SUGCT: variants seen among roughly 807,000 people sequenced by gnomAD.
The protein encoded by SUGCT is succinyl-CoA:glutarate CoA-transferase.
In SUGCT, 41 loss-of-function variants were observed where a neutral mutation model predicts 55.0. That is an observed-to-expected ratio of 0.74 (90% CI 0.58 to 0.97). SUGCT has a LOEUF of 0.97. SUGCT is among the 50% of genes least tolerant of loss of function. The pLI, the probability that SUGCT is intolerant of heterozygous loss-of-function variation, is 0.00. For missense variants in SUGCT, 568 were observed against 547.8 expected, an observed-to-expected ratio of 1.04 and a Z score of -0.37; for synonymous variants, 187 against 200.4, an observed-to-expected ratio of 0.93 and a Z score of 0.56.
At chr7:40,710,093 G>A (rs1334768861) in intron 12 of SUGCT, among the ~76,000 whole-genome samples, 4 of 152,146 alleles carry the variant, frequency 2.6e-5, no homozygotes, top group East Asian at 1.9e-4. Context: ...ACTAGGGACA[G>A]CACCCAGCTA....
the SUGCT span, among the ~76,000 whole-genome samples, chr7:40,969,801 T>A: frequency 6.6e-6 from 1 of 152,264 alleles, no homozygotes; most frequent in South Asian, 2.1e-4. Context: ...CATTTATTTC[T>A]GTCCTTGAAT....
intron 12 of SUGCT, among the ~76,000 whole-genome samples, chr7:40,505,589 T>A (rs1337062118): frequency 6.6e-6 from 1 of 152,134 alleles, no homozygotes; most frequent in Non-Finnish European, 1.5e-5. Context: ...TGACTTCAGT[T>A]TTGTACTGAT....
intron 8 of SUGCT, among the ~76,000 whole-genome samples, chr7:40,294,728 G>A (rs1482639464): frequency 2.0e-5 from 3 of 152,036 alleles, no homozygotes; most frequent in Non-Finnish European, 4.4e-5. Flanking sequence ...TGTACTTTTA[G>A]TAGAGATGGG....
intron 12 of SUGCT, among the ~76,000 whole-genome samples, chr7:40,654,630 A>G (rs1243151905): frequency 3.3e-5 from 5 of 152,202 alleles, no homozygotes; most frequent in East Asian, 1.9e-4. Context: ...GTCCTGCACT[A>G]TATGCTTCAC....
At chr7:40,589,112 T>C (rs1330469072) in intron 12 of SUGCT, among the ~76,000 whole-genome samples, 1 of 152,080 alleles carries the variant, frequency 6.6e-6, no homozygotes, top group East Asian at 1.9e-4. Flanking sequence ...TGTCACTCTG[T>C]TTAGTAATCT....
chr7:40,511,196 C>A lies in SUGCT; in HGVS notation c.1089+14810C>A, dbSNP rs546315296. Among the ~76,000 whole-genome samples the A allele has an allele frequency of 5.9e-5, 9 of 152,262 alleles. No individual in the cohort carries two copies. The East Asian group carries it at 1.4e-3, about 23-fold the overall frequency. ...AGTCATCATACATCCCGAGAGCGAA[C>A]TTCCATATCATGTACCCCTTGGTAT... On this transcript the variant is annotated intron_variant, in intron 12 of 13. Coordinates refer to ENST00000335693, the MANE Select transcript of SUGCT (RefSeq NM_001193313.2).
intron 12 of SUGCT, among the ~76,000 whole-genome samples, chr7:40,569,172 G>A (rs1796302302): frequency 6.6e-6 from 1 of 152,156 alleles, no homozygotes; most frequent in Non-Finnish European, 1.5e-5. Context: ...GAATTAAGGG[G>A]GATGAGATAT....
intron 12 of SUGCT, among the ~76,000 whole-genome samples, chr7:40,657,319 A>G (rs1274261071): frequency 6.6e-6 from 1 of 152,122 alleles, no homozygotes; most frequent in South Asian, 2.1e-4. Context: ...TAATTTTTCC[A>G]TGGTAGTGGT....
At chr7:40,452,279 C>T (rs2151433730) in intron 10 of SUGCT, among the ~76,000 whole-genome samples, 1 of 152,284 alleles carries the variant, frequency 6.6e-6, no homozygotes, top group Non-Finnish European at 1.5e-5. Context: ...CATATGTAAG[C>T]TATTTTAAGC....
chr7:40,616,542 G>A (rs1799011576), intron 12 of SUGCT, among the ~76,000 whole-genome samples: 1 of 152,220 alleles, frequency 6.6e-6, no homozygotes, highest in Non-Finnish European at 1.5e-5. Flanking sequence ...GTTTGCCCAG[G>A]ATCCATATGC....
At chr7:40,385,776 T>C (rs1032045189) in intron 9 of SUGCT, among the ~76,000 whole-genome samples, 6 of 152,216 alleles carry the variant, frequency 3.9e-5, no homozygotes, top group African/African-American at 1.4e-4. Context: ...CAAGTCTCTT[T>C]CTATTTTTTA....
chr7:40,749,587 C>G, intron 13 of SUGCT, 90 bp downstream of exon 13: 1 of 1,028,908 alleles, frequency 9.7e-7, no homozygotes, highest in Non-Finnish European at 1.5e-6. Context: ...AGCTCCCAAA[C>G]AACTTTCCAA....
chr7:40,834,021 C>T (rs942191962), intron 13 of SUGCT, among the ~76,000 whole-genome samples: 1 of 152,144 alleles, frequency 6.6e-6, no homozygotes, highest in African/African-American at 2.4e-5. Flanking sequence ...CATCCCTTCT[C>T]CAGGGTTGGT....
intron 12 of SUGCT, among the ~76,000 whole-genome samples, chr7:40,712,349 T>G (rs930894254): frequency 6.6e-6 from 1 of 152,226 alleles, no homozygotes; most frequent in Non-Finnish European, 1.5e-5. Context: ...AGCTGTATTT[T>G]CTAGCCAAAT....
rs558061928 is a variant in SUGCT at position 40,516,534 on chromosome 7, G to A, written c.1089+20148G>A. ...TTTTTTTTGTATAGGGTATGAGGTA[G>A]GAGTCTAATTTCATTCTTTTGCACG... is the stretch of plus-strand genomic sequence containing the variant. On this transcript the variant is annotated intron_variant, in intron 12 of 13. Coordinates refer to ENST00000335693, the MANE Select transcript of SUGCT (RefSeq NM_001193313.2). Among the ~76,000 whole-genome samples, 6 of 152,118 alleles carry A rather than the reference G, an allele frequency of 3.9e-5. No individual in the cohort carries two copies. In the South Asian group the frequency reaches 1.2e-3, roughly 32 times the overall value.
chr7:40,272,063 GTCTCGCTC>G (rs1277899053), intron 7 of SUGCT, among the ~76,000 whole-genome samples: 6 of 70,786 alleles, frequency 8.5e-5, no homozygotes, highest in East Asian at 3.8e-4. Flanking sequence ...CTCTCTCTCT[GTCTCGCTC>G]TCTCTCTCTC....
At chr7:40,817,997 T>A (rs1319703313) in intron 13 of SUGCT, among the ~76,000 whole-genome samples, 1 of 152,126 alleles carries the variant, frequency 6.6e-6, no homozygotes, top group Non-Finnish European at 1.5e-5. Flanking sequence ...AGAAATCAAT[T>A]TGCTTAATTA....
intron 5 of SUGCT, among the ~76,000 whole-genome samples, chr7:40,190,935 C>G (rs1785864274): frequency 6.6e-6 from 1 of 152,160 alleles, no homozygotes; most frequent in Non-Finnish European, 1.5e-5. Flanking sequence ...AAAGAATCCA[C>G]CTAGGGGTGG....
chr7:40,756,113 C>A (rs1382848947), intron 13 of SUGCT, among the ~76,000 whole-genome samples: 2 of 152,060 alleles, frequency 1.3e-5, no homozygotes, highest in African/African-American at 2.4e-5. Context: ...CATTATATTT[C>A]TGAATGTTTT....
Sources: allele counts gnomAD v4.1 joint callset (sites outside exome capture counted in the v4.1 genomes callset), GRCh38; gene constraint gnomAD v4.1.1; transcripts MANE v1.5; gene names NCBI Gene and HGNC (gene_info 2026-07-23, HGNC 2026-07-21).